Variants in BANP observed in about 807,000 individuals in gnomAD.
The protein encoded by BANP is BTG3 associated nuclear protein, also known as protein BANP.
A neutral mutation model predicts 68.1 loss-of-function variants in BANP; 11 were observed. The ratio of observed to expected loss-of-function variants is 0.16; its 90% CI spans 0.10 to 0.27. The LOEUF is 0.27. BANP is among the 10% of genes least tolerant of loss of function. The probability of loss-of-function intolerance (pLI) is 1.00; values close to 1 mark genes in which losing one functional copy is unlikely to be tolerated. For missense variants in BANP, 504 were observed against 722.7 expected (o/e 0.70, Z 3.47); for synonymous variants, 329 against 303.2 (o/e 1.09, Z -0.88).
At chr16:88,007,017 G>C (rs1338243630) in intron 6 of BANP, among the ~76,000 whole-genome samples, 1 of 150,404 alleles carries the variant, frequency 6.6e-6, no homozygotes, top group East Asian at 2.0e-4. Context: ...AAATAACTGT[G>C]ATCCCACCAT....
At chr16:87,972,628 G>C (rs1055684788) in intron 1 of BANP, among the ~76,000 whole-genome samples, 2 of 152,038 alleles carry the variant, frequency 1.3e-5, no homozygotes, top group African/African-American at 4.8e-5. Flanking sequence ...GTTTAGAATC[G>C]TTTCTCTAAT....
At chr16:87,992,898 G>A (rs1316146005) in intron 4 of BANP, among the ~76,000 whole-genome samples, 1 of 152,160 alleles carries the variant, frequency 6.6e-6, no homozygotes, top group Non-Finnish European at 1.5e-5. Context: ...TCCGCACACT[G>A]TTCCTCATGG....
At chr16:88,038,959 G>C (rs1225242962) in intron 11 of BANP, among the ~76,000 whole-genome samples, 2 of 152,210 alleles carry the variant, frequency 1.3e-5, no homozygotes, top group Non-Finnish European at 2.9e-5. Flanking sequence ...CGAGAAACCT[G>C]CATGCGTTCT....
At chr16:87,969,382 G>T (rs1390069441) in intron 1 of BANP, among the ~76,000 whole-genome samples, 1 of 152,014 alleles carries the variant, frequency 6.6e-6, no homozygotes, top group Non-Finnish European at 1.5e-5. Flanking sequence ...CAAAGAGGTT[G>T]TACCCATTTA....
intron 1 of BANP, among the ~76,000 whole-genome samples, chr16:87,972,952 G>A (rs551693129): frequency 1.3e-5 from 2 of 152,044 alleles, no homozygotes; most frequent in African/African-American, 4.8e-5. Context: ...TGCTGCTCTC[G>A]GCCTGGCTCC....
At chr16:88,034,976 C>G (rs1404879777) in intron 9 of BANP, 2 of 240,594 alleles carry the variant, frequency 8.3e-6, no homozygotes, top group African/African-American at 2.3e-5. Flanking sequence ...CCTGCTCTGT[C>G]CAGCCCGGGA....
At position 88,002,386 on chromosome 16, in the gene BANP, G is replaced by T. The variant is rs531597174; in HGVS notation, c.363-1909G>T. Among the ~76,000 whole-genome samples the T allele has an allele frequency of 6.6e-6, 1 of 152,140 alleles. No individual in the cohort carries two copies. Among genetic ancestry groups the T allele is most frequent in the Admixed American group, 6.5e-5 (1 of 15,272 alleles). ...GCCGGTGAGGTGCTGGTTTTGTCACGCCCGTGCTGGTGTTCAGGTGGCCCT... is the reference window on the plus strand; with the variant it reads ...GCCGGTGAGGTGCTGGTTTTGTCACTCCCGTGCTGGTGTTCAGGTGGCCCT... On this transcript the variant is annotated intron_variant, in intron 4 of 13. Coordinates refer to ENST00000682872, the MANE Select transcript of BANP (RefSeq NM_001386991.1). This position sits in a 1 kb window ranked among gnomAD's most constrained non-coding sequence, Gnocchi z 4.6.
At chr16:87,956,840 T>A (rs1380543771) in intron 1 of BANP, 1 of 151,974 alleles carries the variant, frequency 6.6e-6, no homozygotes, top group African/African-American at 2.4e-5. Flanking sequence ...AGAGAAACAC[T>A]CTCCGCCACC....
At chr16:88,041,051 T>G (rs1043487284) in intron 11 of BANP, among the ~76,000 whole-genome samples, 2 of 150,914 alleles carry the variant, frequency 1.3e-5, no homozygotes, top group Non-Finnish European at 2.9e-5. Context: ...CTGGGGCCTG[T>G]GCCCTGTGCC....
At position 88,048,548 on chromosome 16, in the gene BANP, T is replaced by G. The variant is rs116502244; in HGVS notation, c.1311+10537T>G. On this transcript the variant is annotated intron_variant, in intron 11 of 13. Transcript: ENST00000682872. ...AGGTGGATTCTAACAGTGTTCTTGG[T>G]ATCGAATCGGCGCTCACCACAGATT... 8.2e-3 allele frequency among the ~76,000 whole-genome samples: 1,254 copies of G among 152,146 alleles called. 17 individuals carry two copies. The highest frequency in any genetic ancestry group is 0.028 in the African/African-American group (1,171 of 41,510).
chr16:88,071,438 C>T lies in BANP; in HGVS notation c.1378-631C>T, dbSNP rs1348885594. 2.2e-6 allele frequency: 1 copy of T among 456,130 alleles called. No individual in the cohort carries two copies. The highest frequency in any genetic ancestry group is 1.5e-5 in the South Asian group (1 of 64,542). The allele number at this position is 456,130 out of a possible 1,614,324, so 28.3% of individuals were successfully genotyped here. On this transcript the variant is annotated intron_variant, in intron 12 of 13. Coordinates refer to ENST00000682872, the MANE Select transcript of BANP (RefSeq NM_001386991.1). The surrounding 1 kb of genome is among the most constrained non-coding windows in gnomAD (Gnocchi z 6.5). The stretch of plus-strand genomic sequence containing the variant: ...CCAGGGGCCTCGCCTGTCCCCCATT[C>T]TCATTCCATACTCTGGGAGGCGGTA...
At chr16:87,992,591 C>A (rs138771036) in intron 4 of BANP, among the ~76,000 whole-genome samples, 1 of 151,940 alleles carries the variant, frequency 6.6e-6, no homozygotes, top group Non-Finnish European at 1.5e-5. Flanking sequence ...GTCAGGAGTT[C>A]GAGACCAGCC....
At chr16:88,039,231 G>A (rs2080157249) in intron 11 of BANP, among the ~76,000 whole-genome samples, 1 of 151,914 alleles carries the variant, frequency 6.6e-6, no homozygotes, top group African/African-American at 2.4e-5. Context: ...CTGTAAGTAT[G>A]AATTGCTGCT....
chr16:87,973,437 C>T (rs2061467616), intron 1 of BANP, among the ~76,000 whole-genome samples: 1 of 152,166 alleles, frequency 6.6e-6, no homozygotes, highest in Non-Finnish European at 1.5e-5. Flanking sequence ...CACTTGGCTC[C>T]TTCTTCCACA....
At chr16:87,988,948 C>G (rs2065180410) in intron 4 of BANP, among the ~76,000 whole-genome samples, 1 of 152,216 alleles carries the variant, frequency 6.6e-6, no homozygotes, top group Admixed American at 6.5e-5. Flanking sequence ...TTAAAACTGA[C>G]TGGTCTGTAC....
intron 7 of BANP, among the ~76,000 whole-genome samples, chr16:88,023,387 A>C (rs1352967214): frequency 2.6e-5 from 4 of 152,044 alleles, no homozygotes. Flanking sequence ...TGGAGGCTGG[A>C]CGTTTGAGGT....
At position 87,984,754 on chromosome 16, in the gene BANP, T is replaced by C. The variant is rs574672136; in HGVS notation, c.362+495T>C. On this transcript the variant is annotated intron_variant, in intron 4 of 13. Coordinates refer to ENST00000682872, the MANE Select transcript of BANP (RefSeq NM_001386991.1). The stretch of plus-strand genomic sequence containing the variant: ...GCAAACTGTTTGAGTAGAACCTTTA[T>C]GATGTCTTAGAAAGTCTCGGACCTG... Among the ~76,000 whole-genome samples, 19 of 152,352 alleles carry C rather than the reference T, an allele frequency of 1.2e-4. No individual in the cohort carries two copies. In the East Asian group the frequency reaches 1.9e-3, roughly 15 times the overall value.
In BANP at chr16:87,967,622, A is replaced by AT. The variant is rs375783410; in HGVS notation, c.-68-7409dup. ...AGGCATGCCCCACCACACCCAGTTAATTTTTTTTTTTTTTTTTGAGATGGA... is the reference window on the plus strand; with the variant it reads ...AGGCATGCCCCACCACACCCAGTTAATTTTTTTTTTTTTTTTTTGAGATGGA... On this transcript the variant is annotated intron_variant, in intron 1 of 13. Coordinates refer to ENST00000682872, the MANE Select transcript of BANP (RefSeq NM_001386991.1). Among the ~76,000 whole-genome samples the AT allele has an allele frequency of 1.7e-3, 201 of 120,564 alleles. 3 individuals carry two copies. Among genetic ancestry groups the AT allele is most frequent in the East Asian group, 2.1e-3 (9 of 4,258 alleles). 79.1% of individuals were successfully genotyped at this position (120,564 alleles called of 152,430 possible). A position where few individuals can be genotyped will look rare whatever the true frequency, so the allele number is the denominator to read the frequency against.
chr16:87,949,245 G>A (rs1275472633), upstream of BANP: 1 of 152,174 alleles, frequency 6.6e-6, no homozygotes, highest in Non-Finnish European at 1.5e-5. Context: ...TCCAGACACG[G>A]ACTTGGGAAT....
Sources: allele counts gnomAD v4.1 joint callset (sites outside exome capture counted in the v4.1 genomes callset), GRCh38; gene constraint gnomAD v4.1.1; non-coding constraint Gnocchi (gnomAD v3.1); transcripts MANE v1.5; gene names NCBI Gene and HGNC (gene_info 2026-07-23, HGNC 2026-07-21).